Variants in ADGRL3 observed in about 807,000 individuals in gnomAD.
ADGRL3 encodes the protein calcium-independent alpha-latrotoxin receptor 3.
Under a neutral mutation model 153.5 loss-of-function variants are expected in ADGRL3, and 62 were observed. The observed-to-expected ratio is 0.40, with a 90% confidence interval of 0.33 to 0.50. ADGRL3 has a LOEUF of 0.50. Ranked by LOEUF, ADGRL3 falls within the 20% of genes least tolerant of loss-of-function variation. The pLI is 0.47. For missense variants in ADGRL3, 1,641 were observed against 1,859.4 expected (o/e 0.88, Z 2.16); for synonymous variants, 710 against 672.5 (o/e 1.06, Z -0.86).
At chr4:61,307,157 A>G (rs1180987098) in intron 1 of ADGRL3, among the ~76,000 whole-genome samples, 1 of 152,204 alleles carries the variant, frequency 6.6e-6, no homozygotes, top group African/African-American at 2.4e-5. Context: ...AGCCAAAATG[A>G]AAATGAAAAA....
chr4:61,261,993 G>T (rs778618282), intron 1 of ADGRL3, among the ~76,000 whole-genome samples: 11 of 99,722 alleles, frequency 1.1e-4, no homozygotes, highest in African/African-American at 4.5e-4. Flanking sequence ...TGGGAACGAC[G>T]AGATTGAAAT....
intron 5 of ADGRL3, among the ~76,000 whole-genome samples, chr4:61,601,132 T>G (rs2149522323): frequency 6.6e-6 from 1 of 152,310 alleles, no homozygotes; most frequent in African/African-American, 2.4e-5. Context: ...GTTACTTTTT[T>G]ACTTTAAAAT....
intron 13 of ADGRL3, among the ~76,000 whole-genome samples, chr4:61,919,296 T>C (rs1412952797): frequency 1.3e-5 from 2 of 152,200 alleles, no homozygotes; most frequent in Admixed American, 1.3e-4. Context: ...TAAAAGGACA[T>C]CTGAAAGTAG....
chr4:61,699,035 G>A (rs1025800103), intron 6 of ADGRL3, among the ~76,000 whole-genome samples: 7 of 152,052 alleles, frequency 4.6e-5, no homozygotes, highest in East Asian at 1.9e-4. Flanking sequence ...GTAATAATAC[G>A]TTGTATTTGG....
chr4:61,640,103 C>T (rs2093597938), intron 5 of ADGRL3, among the ~76,000 whole-genome samples: 1 of 152,036 alleles, frequency 6.6e-6, no homozygotes, highest in Non-Finnish European at 1.5e-5. Flanking sequence ...CTTTCAGCAG[C>T]CTTACTACTT....
intron 1 of ADGRL3, among the ~76,000 whole-genome samples, chr4:61,340,102 C>T (rs1195697476): frequency 2.6e-5 from 4 of 152,122 alleles, no homozygotes; most frequent in African/African-American, 9.7e-5. Context: ...GGATGCAGCA[C>T]TTTATTTTGG....
intron 8 of ADGRL3, among the ~76,000 whole-genome samples, chr4:61,744,734 C>A (rs1351347369): frequency 6.6e-6 from 1 of 152,008 alleles, no homozygotes; most frequent in East Asian, 1.9e-4. Context: ...TCATCAAAGA[C>A]CAAAAGTAGA....
chr4:61,956,783 T>C (rs978867574), intron 17 of ADGRL3, among the ~76,000 whole-genome samples: 1 of 152,212 alleles, frequency 6.6e-6, no homozygotes, highest in Non-Finnish European at 1.5e-5. Context: ...GCACCATTTA[T>C]TGAATAGGAG....
At chr4:61,789,038 T>A (rs1164038221) in intron 8 of ADGRL3, among the ~76,000 whole-genome samples, 1 of 152,176 alleles carries the variant, frequency 6.6e-6, no homozygotes, top group Non-Finnish European at 1.5e-5. Flanking sequence ...TAATCAAATT[T>A]ATCAAAAGAG....
chr4:61,781,902 T>C (rs906642234), intron 8 of ADGRL3, among the ~76,000 whole-genome samples: 1 of 152,184 alleles, frequency 6.6e-6, no homozygotes. Context: ...GTGTCCTTAA[T>C]TATTCTAAAT....
chr4:61,587,129 G>A (rs988998714), intron 4 of ADGRL3, 98 bp from the exon 5 acceptor site: 32 of 650,736 alleles, frequency 4.9e-5, no homozygotes, highest in African/African-American at 4.4e-4. Context: ...TTATATCTTC[G>A]TATTGATTTA....
At chr4:62,047,782 C>G (rs898774204) in intron 25 of ADGRL3, among the ~76,000 whole-genome samples, 1 of 152,068 alleles carries the variant, frequency 6.6e-6, no homozygotes, top group Non-Finnish European at 1.5e-5. Flanking sequence ...ATATTTTTCT[C>G]CAGCCAACTT....
intron 17 of ADGRL3, among the ~76,000 whole-genome samples, chr4:61,963,767 T>A (rs987104225): frequency 2.6e-5 from 4 of 152,172 alleles, no homozygotes; most frequent in African/African-American, 9.7e-5. Context: ...ACAGCTTGGA[T>A]CCTCACACTT....
intron 5 of ADGRL3, among the ~76,000 whole-genome samples, chr4:61,591,299 T>G (rs1348859074): frequency 1.3e-5 from 2 of 152,198 alleles, no homozygotes; most frequent in Non-Finnish European, 2.9e-5. Context: ...AGTGATGTTT[T>G]TAGTGAACTT....
intron 1 of ADGRL3, among the ~76,000 whole-genome samples, chr4:61,229,626 C>G (rs933039787): frequency 6.6e-6 from 1 of 151,824 alleles, no homozygotes; most frequent in Non-Finnish European, 1.5e-5. Context: ...CCCTGTGAGT[C>G]AAAACTTTAG....
chr4:61,905,983 A>G (rs2098693876), intron 11 of ADGRL3, among the ~76,000 whole-genome samples: 1 of 151,792 alleles, frequency 6.6e-6, no homozygotes, highest in Non-Finnish European at 1.5e-5. Flanking sequence ...TTTTAACATT[A>G]TAAGTAAGGA....
chr4:61,279,061 G>A (rs1560418482), intron 1 of ADGRL3, among the ~76,000 whole-genome samples: 1 of 152,106 alleles, frequency 6.6e-6, no homozygotes, highest in Admixed American at 6.6e-5. Context: ...GATCATAAAA[G>A]AAAAATATTT....
chr4:62,054,429 A>G (rs573847701), intron 25 of ADGRL3, among the ~76,000 whole-genome samples: 75 of 151,776 alleles, frequency 4.9e-4, no homozygotes, highest in African/African-American at 1.7e-3. Context: ...TAAAATCTCT[A>G]AAGAGCTTTG....
intron 1 of ADGRL3, among the ~76,000 whole-genome samples, chr4:61,362,719 T>A (rs2096307705): frequency 6.6e-6 from 1 of 152,162 alleles, no homozygotes; most frequent in South Asian, 2.1e-4. Flanking sequence ...GTAGGGCTGT[T>A]CTTACTGTTT....
Sources: allele counts gnomAD v4.1 joint callset (sites outside exome capture counted in the v4.1 genomes callset), GRCh38; gene constraint gnomAD v4.1.1; transcripts MANE v1.5; gene names NCBI Gene and HGNC (gene_info 2026-07-23, HGNC 2026-07-21).